ZBTB40: variants seen among roughly 807,000 people sequenced by gnomAD.
ZBTB40 encodes the protein zinc finger and BTB domain containing 40, also known as zinc finger and BTB domain-containing protein 40.
A neutral mutation model predicts 117.5 loss-of-function variants in ZBTB40; 60 were observed. The observed-to-expected ratio is 0.51, with a 90% confidence interval of 0.41 to 0.63. ZBTB40 has a LOEUF of 0.63. Among genes scored for constraint, ZBTB40 ranks in the 30% least tolerant of loss-of-function variants. The probability of loss-of-function intolerance (pLI) is 0.00; values close to 1 mark genes in which losing one functional copy is unlikely to be tolerated. For missense variants in ZBTB40, 1,287 were observed against 1,498.5 expected (o/e 0.86, Z 2.33); for synonymous variants, 525 against 577.1 (o/e 0.91, Z 1.29).
intron 1 of ZBTB40, among the ~76,000 whole-genome samples, chr1:22,444,616 G>C (rs1640768473): frequency 6.6e-6 from 1 of 152,120 alleles, no homozygotes; most frequent in Non-Finnish European, 1.5e-5. Context: ...ACACTTGACT[G>C]GTAAGGGAAG....
rs1026851155 is a variant in ZBTB40 at position 22,528,195 on chromosome 1, T to G, written c.*1799T>G. ...GGAACTGTCAGTCTGGGAGAGCTCTTGATCTGCAGGTGGCAAAATGGCACT... is the reference window on the plus strand; with the variant it reads ...GGAACTGTCAGTCTGGGAGAGCTCTGGATCTGCAGGTGGCAAAATGGCACT... On this transcript the variant is annotated 3_prime_UTR_variant, in exon 18 of 18. Transcript: ENST00000375647. 10 of 152,736 alleles carry G rather than the reference T, an allele frequency of 6.5e-5. No individual in the cohort carries two copies. Among genetic ancestry groups the G allele is most frequent in the Admixed American group, 6.5e-4 (10 of 15,284 alleles). 9.5% of individuals were successfully genotyped at this position (152,736 alleles called of 1,614,324 possible).
At chr1:22,450,355 G>T (rs577878709), upstream of ZBTB40, among the ~76,000 whole-genome samples, 2 of 152,364 alleles carry the variant, frequency 1.3e-5, no homozygotes, top group South Asian at 4.1e-4. Context: ...AGAATGTGAG[G>T]CTGGTGGAAA....
rs1456086096 is a variant in ZBTB40, at chr1:22,509,081, T to G, written c.1700-19T>G. 6.2e-7 allele frequency: 1 copy of G among 1,614,130 alleles called. No individual in the cohort carries two copies. Among genetic ancestry groups the G allele is most frequent in the South Asian group, 1.1e-5 (1 of 91,072 alleles). ...GCTCATTGTTTGCCTAATGAGTTTT[T>G]GATCCCCCTTTTTTTCAGTGACCAC... On this transcript the variant is annotated intron_variant, in intron 8 of 17. Coordinates refer to ENST00000375647, the MANE Select transcript of ZBTB40 (RefSeq NM_014870.4).
At chr1:22,479,986 A>T (rs148990950) in intron 1 of ZBTB40, among the ~76,000 whole-genome samples, 3,737 of 152,192 alleles carry the variant, frequency 0.025, 172 homozygotes, top group African/African-American at 0.086. Flanking sequence ...AGCTCACTGC[A>T]ACCTCCGTCT....
intron 6 of ZBTB40, 82 bp from the exon 7 acceptor site, chr1:22,507,919 C>T: frequency 6.2e-7 from 1 of 1,606,128 alleles, no homozygotes; most frequent in Non-Finnish European, 8.5e-7. Context: ...TGCTCTCTTC[C>T]TCTCTCATTG....
intron 1 of ZBTB40, among the ~76,000 whole-genome samples, chr1:22,484,321 C>G (rs2124422235): frequency 6.6e-6 from 1 of 152,276 alleles, no homozygotes; most frequent in South Asian, 2.1e-4. Flanking sequence ...TCTTTGATAT[C>G]TTTCATCAGA....
intron 1 of ZBTB40, among the ~76,000 whole-genome samples, chr1:22,442,677 G>A (rs1185923749): frequency 6.6e-6 from 1 of 152,198 alleles, no homozygotes; most frequent in Non-Finnish European, 1.5e-5. Flanking sequence ...CTAGATAAAG[G>A]TCCAGGAATG....
intron 3 of ZBTB40, among the ~76,000 whole-genome samples, chr1:22,496,103 A>G (rs1638766840): frequency 6.6e-6 from 1 of 152,256 alleles, no homozygotes; most frequent in Admixed American, 6.5e-5. Context: ...CAAGACCTGC[A>G]TACAATGAGA....
intron 9 of ZBTB40, among the ~76,000 whole-genome samples, chr1:22,509,826 T>C (rs1350272831): frequency 1.3e-5 from 2 of 152,202 alleles, no homozygotes; most frequent in African/African-American, 4.8e-5. Flanking sequence ...GATGTCAGGA[T>C]TTGAACCCAG....
chr1:22,467,505 C>T (rs1466596301), intron 1 of ZBTB40, among the ~76,000 whole-genome samples: 2 of 152,160 alleles, frequency 1.3e-5, no homozygotes, highest in African/African-American at 2.4e-5. Context: ...GACAGAGTCT[C>T]GCTGTGTCAC....
At position 22,511,710 on chromosome 1, in the gene ZBTB40, G is replaced by T. The variant is rs187792120; in HGVS notation, c.2037G>T (p.Thr679=). 1 of 1,608,886 alleles carries T rather than the reference G, an allele frequency of 6.2e-7. No homozygotes were observed. Among genetic ancestry groups the T allele is most frequent in the Middle Eastern group, 1.7e-4 (1 of 6,022 alleles). The change falls in exon 11 of 18, where the codon ACG becomes ACT. Residue 679 remains threonine (T), a synonymous_variant. Transcript: ENST00000375647. ...VLTKEDGEKE[T]WKVSNKFHLE... The stretch of plus-strand genomic sequence containing the variant: ...CTAAGGAAGATGGAGAGAAGGAAAC[G>T]TGGAAGGTGAGTAATAAATTTCACC...
At chr1:22,454,650 GT>G (rs765341249) in intron 1 of ZBTB40, among the ~76,000 whole-genome samples, 1 of 152,218 alleles carries the variant, frequency 6.6e-6, no homozygotes, top group Non-Finnish European at 1.5e-5. Context: ...CTCAAAGGGA[GT>G]CACTGTGCTG....
chr1:22,485,088 A>T (rs1021077241), intron 1 of ZBTB40, among the ~76,000 whole-genome samples: 12 of 152,264 alleles, frequency 7.9e-5, no homozygotes, highest in African/African-American at 2.9e-4. Flanking sequence ...TTAACGAGAG[A>T]TACTGGTCTG....
chr1:22,445,960 G>T (rs1348465957), intron 1 of ZBTB40, among the ~76,000 whole-genome samples: 1 of 151,984 alleles, frequency 6.6e-6, no homozygotes, highest in African/African-American at 2.4e-5. Context: ...AGGGATGTTG[G>T]AATTATCAGA....
In ZBTB40 at chr1:22,506,121, G is replaced by A. The variant is rs1209902036; in HGVS notation, c.1240G>A (p.Glu414Lys). Residue 414 changes from glutamate (E) to lysine (K), a missense_variant, in exon 6 of 18, where the codon GAG (glutamate) becomes AAG (lysine). Physicochemically the swap from Glu to Lys is moderately conservative, Grantham distance 56. Coordinates refer to ENST00000375647, the MANE Select transcript of ZBTB40 (RefSeq NM_014870.4). ...AAATTTGTTGCACAGAATGACTGAA[G>A]AGAAGACGCTGACTGCTGAGGGTTT... ...IENLLHRMTEEKTLTAEGLVK... is the reference protein window; with the variant it reads ...IENLLHRMTEKKTLTAEGLVK... 3 of 1,614,064 alleles carry A rather than the reference G, an allele frequency of 1.9e-6. No homozygotes were observed. Among genetic ancestry groups the A allele is most frequent in the Non-Finnish European group, 2.5e-6 (3 of 1,180,032 alleles).
intron 1 of ZBTB40, among the ~76,000 whole-genome samples, chr1:22,438,845 C>T (rs187496709): frequency 1.3e-5 from 2 of 151,954 alleles, no homozygotes; most frequent in Non-Finnish European, 2.9e-5. Flanking sequence ...TTCTTTTGCC[C>T]ATTTTTTATT....
intron 1 of ZBTB40, among the ~76,000 whole-genome samples, chr1:22,480,377 A>C (rs1638257561): frequency 6.6e-6 from 1 of 152,192 alleles, no homozygotes; most frequent in Non-Finnish European, 1.5e-5. Context: ...TTGTTTCAGA[A>C]GTCTTTGCCT....
intron 1 of ZBTB40, among the ~76,000 whole-genome samples, chr1:22,470,509 T>C (rs868207211): frequency 4.6e-5 from 7 of 152,152 alleles, no homozygotes; most frequent in East Asian, 1.9e-4. Flanking sequence ...GGGAGCTTCA[T>C]TGGGCTTCGG....
At chr1:22,520,506 TCTC>T (rs1055617764) in intron 14 of ZBTB40, among the ~76,000 whole-genome samples, 2 of 152,180 alleles carry the variant, frequency 1.3e-5, no homozygotes, top group Non-Finnish European at 2.9e-5. Context: ...ATACGCTTCT[TCTC>T]TTAGACAGCA....
Sources: allele counts gnomAD v4.1 joint callset (sites outside exome capture counted in the v4.1 genomes callset), GRCh38; gene constraint gnomAD v4.1.1; transcripts MANE v1.5; gene names NCBI Gene and HGNC (gene_info 2026-07-23, HGNC 2026-07-21).